The following TYW1 variants were observed in gnomAD, a reference collection of about 807,000 sequenced individuals.
TYW1 encodes S-adenosyl-L-methionine-dependent tRNA 4-demethylwyosine synthase TYW1.
In TYW1, 46 loss-of-function variants were observed where a neutral mutation model predicts 96.2. That is an observed-to-expected ratio of 0.48 (90% CI 0.38 to 0.61). The LOEUF (loss-of-function observed/expected upper bound fraction) is 0.61, where lower values mean the gene tolerates loss of function less well. Ranked by LOEUF, TYW1 falls within the 20% of genes least tolerant of loss-of-function variation. The probability of loss-of-function intolerance (pLI) is 0.00; values close to 1 mark genes in which losing one functional copy is unlikely to be tolerated. For missense variants in TYW1, 684 were observed against 909.6 expected (o/e 0.75, Z 3.19); for synonymous variants, 274 against 323.0 (o/e 0.85, Z 1.63).
chr7:67,116,607 T>C (rs1423426981), intron 12 of TYW1, among the ~76,000 whole-genome samples: 1 of 152,060 alleles, frequency 6.6e-6, no homozygotes, highest in East Asian at 1.9e-4. Context: ...GAGGGTCACT[T>C]GAGCCTGGGA....
intron 7 of TYW1, among the ~76,000 whole-genome samples, chr7:67,037,966 T>A (rs1272099938): frequency 2.6e-5 from 4 of 152,226 alleles, no homozygotes; most frequent in African/African-American, 9.6e-5. Flanking sequence ...TCCAAAATGC[T>A]TCAAAATATG....
chr7:67,026,201 T>C (rs1289789557), intron 7 of TYW1, among the ~76,000 whole-genome samples: 1 of 152,264 alleles, frequency 6.6e-6, no homozygotes, highest in East Asian at 1.9e-4. Context: ...GCCTCCCGAG[T>C]AGCCGGGACT....
chr7:67,080,456 G>A (rs1195717987), intron 10 of TYW1, among the ~76,000 whole-genome samples: 1 of 150,854 alleles, frequency 6.6e-6, no homozygotes, highest in African/African-American at 2.4e-5. Flanking sequence ...CCCAGGCTGG[G>A]GTGCAGTGGC....
chr7:67,176,021 T>C (rs1332981933), intron 13 of TYW1, among the ~76,000 whole-genome samples: 1 of 152,294 alleles, frequency 6.6e-6, no homozygotes, highest in South Asian at 2.1e-4. Flanking sequence ...TTTGTAATTA[T>C]TCGCTTTAAT....
intron 13 of TYW1, among the ~76,000 whole-genome samples, chr7:67,118,647 C>G (rs1797670352): frequency 2.0e-5 from 3 of 151,658 alleles, no homozygotes; most frequent in African/African-American, 4.8e-5. Context: ...GTAATCCCAG[C>G]ACTTTGAGAG....
chr7:67,027,959 G>T (rs1224014049), intron 7 of TYW1, among the ~76,000 whole-genome samples: 1 of 151,572 alleles, frequency 6.6e-6, no homozygotes, highest in African/African-American at 2.4e-5. Context: ...ACCTGACTGG[G>T]TGTGGTGGCT....
At chr7:67,161,733 T>G (rs1293379172) in intron 13 of TYW1, among the ~76,000 whole-genome samples, 1 of 152,190 alleles carries the variant, frequency 6.6e-6, no homozygotes, top group Non-Finnish European at 1.5e-5. Flanking sequence ...CATGGAAGGC[T>G]TAATTTTTGG....
chr7:66,998,540 C>G (rs1793271601), intron 2 of TYW1, among the ~76,000 whole-genome samples: 1 of 152,056 alleles, frequency 6.6e-6, no homozygotes, highest in Admixed American at 6.6e-5. Context: ...TACTATTATT[C>G]TACTAAAATA....
At position 67,111,523 on chromosome 7, in the gene TYW1, A is replaced by G. The variant is rs184749914; in HGVS notation, c.1563-5960A>G. On this transcript the variant is annotated intron_variant, in intron 12 of 15. Transcript: ENST00000359626. ...GCCAGAAAAGCATTTTCAAAGAAAC[A>G]AAAGTATGAAAATGATGACTCATCA... Among the ~76,000 whole-genome samples the G allele has an allele frequency of 6.1e-3, 935 of 152,304 alleles. 4 individuals are homozygous for G. Among genetic ancestry groups the G allele is most frequent in the Non-Finnish European group, 8.3e-3 (566 of 68,018 alleles).
At chr7:67,050,725 G>T (rs1486184676) in intron 8 of TYW1, among the ~76,000 whole-genome samples, 7 of 151,942 alleles carry the variant, frequency 4.6e-5, no homozygotes, top group Admixed American at 3.9e-4. Context: ...TTTCATTATA[G>T]ATTTAAATTT....
At chr7:67,085,538 C>T (rs1274129575) in intron 11 of TYW1, among the ~76,000 whole-genome samples, 6 of 152,170 alleles carry the variant, frequency 3.9e-5, no homozygotes, top group Non-Finnish European at 7.3e-5. Context: ...AACCTCTTTT[C>T]CTTTATAAAT....
chr7:67,051,998 T>C (rs1562986076), intron 8 of TYW1, among the ~76,000 whole-genome samples: 1 of 152,172 alleles, frequency 6.6e-6, no homozygotes, highest in Non-Finnish European at 1.5e-5. Context: ...TGCTTCTGAT[T>C]AGAGTTCAGC....
chr7:67,071,451 C>CG, intron 10 of TYW1, among the ~76,000 whole-genome samples: 1 of 139,218 alleles, frequency 7.2e-6, no homozygotes, highest in East Asian at 2.1e-4. Flanking sequence ...ATTTCTTTCG[C>CG]TTTTTTTTTT....
chr7:67,040,198 TC>T (rs1288132349), intron 7 of TYW1, among the ~76,000 whole-genome samples: 1 of 152,184 alleles, frequency 6.6e-6, no homozygotes, highest in African/African-American at 2.4e-5. Context: ...CCTCAAGTGA[TC>T]CGCCCGCCTT....
At chr7:67,100,750 G>C (rs1244823673) in intron 12 of TYW1, among the ~76,000 whole-genome samples, 1 of 150,530 alleles carries the variant, frequency 6.6e-6, no homozygotes, top group Non-Finnish European at 1.5e-5. Context: ...TGTAGTCCCA[G>C]CTAGTCGGGA....
chr7:67,046,134 C>T (rs547628763), intron 7 of TYW1, among the ~76,000 whole-genome samples: 26 of 152,204 alleles, frequency 1.7e-4, no homozygotes, highest in Admixed American at 1.0e-3. Flanking sequence ...GATCTTGCAA[C>T]GAAGTGAAGC....
intron 13 of TYW1, among the ~76,000 whole-genome samples, chr7:67,145,602 A>G (rs964081420): frequency 6.6e-6 from 1 of 152,180 alleles, no homozygotes; most frequent in African/African-American, 2.4e-5. Flanking sequence ...TTGTTTCATC[A>G]TCTTAGATCA....
chr7:67,124,895 C>T (rs1278684065), intron 13 of TYW1, among the ~76,000 whole-genome samples: 5 of 151,986 alleles, frequency 3.3e-5, no homozygotes, highest in Non-Finnish European at 7.4e-5. Context: ...AGTGCAATGG[C>T]GTGATCTTTG....
At chr7:67,192,349 C>T (rs1273640034) in intron 14 of TYW1, among the ~76,000 whole-genome samples, 2 of 152,174 alleles carry the variant, frequency 1.3e-5, no homozygotes, top group African/African-American at 4.8e-5. Flanking sequence ...CTCAGTGCTT[C>T]ATGGCTATTT....
Sources: gnomAD v4.1 joint callset for allele counts (sites outside exome capture counted in the v4.1 genomes callset) on GRCh38, gnomAD v4.1.1 for gene constraint, MANE v1.5 for transcripts, NCBI Gene and HGNC (gene_info 2026-07-23, HGNC 2026-07-21) for gene names.